Variants in IGSF9B observed in about 807,000 individuals in gnomAD.
IGSF9B encodes the protein protein turtle homolog B.
In IGSF9B, 48 loss-of-function variants were observed where a neutral mutation model predicts 143.7. The ratio of observed to expected loss-of-function variants is 0.33; its 90% CI spans 0.26 to 0.42. IGSF9B has a LOEUF of 0.42. Ranked by LOEUF, IGSF9B falls within the 20% of genes least tolerant of loss-of-function variation. IGSF9B has a pLI of 1.00. For synonymous variants in IGSF9B, 903 were observed against 833.1 expected (o/e 1.08, Z -1.44); for missense variants, 1,706 against 1,980.0 (o/e 0.86, Z 2.63).
chr11:133,927,246 C>T (rs912514463), intron 12 of IGSF9B, among the ~76,000 whole-genome samples, 155 bp from the exon 13 acceptor site: 13 of 152,404 alleles, frequency 8.5e-5, no homozygotes, highest in African/African-American at 3.1e-4. Context: ...AGAGTGGATG[C>T]CCTGCCCAGC....
chr11:133,933,328 T>G (rs1025718833), intron 7 of IGSF9B, among the ~76,000 whole-genome samples: 14 of 152,224 alleles, frequency 9.2e-5, no homozygotes, highest in African/African-American at 3.4e-4. Context: ...TCCCCGCCTC[T>G]ACATCCGAAG....
Position 133,929,682 on chromosome 11 carries a change from T to C in IGSF9B, c.1620A>G (p.Thr540=), listed in dbSNP as rs1158554462. Reference sequence around the variant, plus strand: ...ACAGAGGTCCGTACCAAACTGAGAATGTCTGCTCGTAGCCTCCATCATAGC... The same window carrying C: ...ACAGAGGTCCGTACCAAACTGAGAACGTCTGCTCGTAGCCTCCATCATAGC... The part of the protein sequence containing the change: ...EPGYDGGYEQ[T]FSVWMKRAQF... Residue 540 remains threonine, a synonymous_variant, in exon 12 of 20, where the codon ACA becomes ACG. Coordinates refer to ENST00000533871, the MANE Select transcript of IGSF9B (RefSeq NM_001277285.4). The C allele has an allele frequency of 1.2e-6, 2 of 1,611,214 alleles. No individual in the cohort carries two copies. The highest frequency in any genetic ancestry group is 2.7e-5 in the African/African-American group (2 of 74,858).
Position 133,906,921 on chromosome 11 carries a change from C to A in IGSF9B, c.*2148G>T, listed in dbSNP as rs1591705338. Among the ~76,000 whole-genome samples, 1 of 152,146 alleles carries A rather than the reference C, an allele frequency of 6.6e-6. No individual in the cohort carries two copies. The highest frequency in any genetic ancestry group is 1.9e-4 in the East Asian group (1 of 5,168). On this transcript the variant is annotated 3_prime_UTR_variant, in exon 20 of 20. Transcript: ENST00000533871. The stretch of plus-strand genomic sequence containing the variant: ...CAGGTAAGCCGGCTCCCGTCATCCC[C>A]CAGGAGAGACGCCCAAGTGAGCAGC...
intron 3 of IGSF9B, among the ~76,000 whole-genome samples, chr11:133,940,512 C>G (rs1361515510): frequency 6.9e-6 from 1 of 145,000 alleles, no homozygotes; most frequent in East Asian, 2.1e-4. Context: ...CATCCTCGCA[C>G]GCGTCATCAC....
intron 1 of IGSF9B, among the ~76,000 whole-genome samples, chr11:133,946,645 G>A (rs963965386): frequency 5.3e-5 from 8 of 152,132 alleles, no homozygotes; most frequent in Admixed American, 2.0e-4. Context: ...TGAGGGGCCC[G>A]GCCCCCTCTG....
intron 17 of IGSF9B, 57 bp from the exon 18 acceptor site, chr11:133,921,454 A>G (rs1591712668): frequency 1.5e-6 from 2 of 1,341,248 alleles, no homozygotes; most frequent in South Asian, 3.2e-5. Context: ...GCTGGCCAGG[A>G]CTTCCTTTCC....
At chr11:133,950,895 T>C (rs1397971415) in intron 1 of IGSF9B, among the ~76,000 whole-genome samples, 5 of 151,228 alleles carry the variant, frequency 3.3e-5, no homozygotes, top group African/African-American at 1.2e-4. Flanking sequence ...CCTCCTCCTC[T>C]GGGCACCAGA....
chr11:133,937,547 T>A, intron 4 of IGSF9B, 54 bp from the exon 5 acceptor site: 2 of 1,396,244 alleles, frequency 1.4e-6, no homozygotes. Flanking sequence ...CCACCGCTGC[T>A]ACCCTCAAAC....
rs900396680 is a variant in IGSF9B, at chr11:133,903,768, A to G, written c.*5301T>C. 6.6e-6 allele frequency among the ~76,000 whole-genome samples: 1 copy of G among 152,216 alleles called. No individual in the cohort carries two copies. Among genetic ancestry groups the G allele is most frequent in the African/African-American group, 2.4e-5 (1 of 41,452 alleles). ...TCCTGAAAGAAGGTTTTGAGAGTAC[A>G]GACAGGAACCCAGAAATAAGGCTCT... is the stretch of plus-strand genomic sequence containing the variant. On this transcript the variant is annotated 3_prime_UTR_variant, in exon 20 of 20. Coordinates refer to ENST00000533871, the MANE Select transcript of IGSF9B (RefSeq NM_001277285.4).
At chr11:133,918,512 C>T (rs4937856) in intron 18 of IGSF9B, among the ~76,000 whole-genome samples, 1 of 151,896 alleles carries the variant, frequency 6.6e-6, no homozygotes, top group Non-Finnish European at 1.5e-5. Context: ...AGGGCGGCCG[C>T]GGCACCTCCG....
chr11:133,912,134 G>A (rs1939310812), intron 18 of IGSF9B, 127 bp from the exon 19 acceptor site: 1 of 1,076,842 alleles, frequency 9.3e-7, no homozygotes. Context: ...AGCCCAAGGT[G>A]CCCACGATGG....
At chr11:133,918,590 G>A (rs1019542019) in intron 18 of IGSF9B, among the ~76,000 whole-genome samples, 11 of 152,166 alleles carry the variant, frequency 7.2e-5, no homozygotes, top group Non-Finnish European at 1.0e-4. Context: ...TTCCTCGGCC[G>A]GCCCCGGAGC....
At chr11:133,915,614 T>G (rs1939366479) in intron 18 of IGSF9B, among the ~76,000 whole-genome samples, 1 of 152,152 alleles carries the variant, frequency 6.6e-6, no homozygotes, top group African/African-American at 2.4e-5. Flanking sequence ...AGGTCTTATT[T>G]GCTTAGCTCT....
chr11:133,940,313 C>T (rs1481549914), intron 3 of IGSF9B, among the ~76,000 whole-genome samples: 1 of 140,524 alleles, frequency 7.1e-6, no homozygotes, highest in Non-Finnish European at 1.5e-5. Flanking sequence ...CGCGTCATCG[C>T]ACGCAGAAAC....
At chr11:133,955,216 G>T (rs1309549497) in intron 1 of IGSF9B, among the ~76,000 whole-genome samples, 1 of 152,124 alleles carries the variant, frequency 6.6e-6, no homozygotes, top group Non-Finnish European at 1.5e-5. Flanking sequence ...GTCAAGCGCA[G>T]CCCGATGCAC....
rs149326653 is a variant in IGSF9B, at chr11:133,948,380, C to T, written c.65-2122G>A. The stretch of plus-strand genomic sequence containing the variant: ...GAGCAGAGCAGAGCATTGCACTCAC[C>T]TGCCTGAGGCCCCAGCATGCTTCCC... On this transcript the variant is annotated intron_variant, in intron 1 of 19. Coordinates refer to ENST00000533871, the MANE Select transcript of IGSF9B (RefSeq NM_001277285.4). The surrounding 1 kb of genome is among the most constrained non-coding windows in gnomAD (Gnocchi z 4.7). Among the ~76,000 whole-genome samples, 2 of 152,240 alleles carry T rather than the reference C, an allele frequency of 1.3e-5. No homozygotes were observed. Among genetic ancestry groups the T allele is most frequent in the Non-Finnish European group, 2.9e-5 (2 of 68,024 alleles).
At chr11:133,916,207 G>A (rs1939379141) in intron 18 of IGSF9B, among the ~76,000 whole-genome samples, 1 of 152,156 alleles carries the variant, frequency 6.6e-6, no homozygotes, top group African/African-American at 2.4e-5. Context: ...ACAGTCCACA[G>A]AAAGGACAGG....
rs1158637791 is a variant in IGSF9B, at chr11:133,920,926, C to A, written c.2799G>T (p.Gln933His). 2 of 1,609,728 alleles carry A rather than the reference C, an allele frequency of 1.2e-6. No individual in the cohort carries two copies. Among genetic ancestry groups the A allele is most frequent in the Non-Finnish European group, 1.7e-6 (2 of 1,178,428 alleles). The change falls in exon 18 of 20, where the codon CAG becomes CAT. Residue 933 changes from glutamine to histidine, a missense_variant. By Grantham distance (24) the Gln-to-His change is conservative. Coordinates refer to ENST00000533871, the MANE Select transcript of IGSF9B (RefSeq NM_001277285.4). ...CACCGGGGCCCTCCAGCCCGCGGGG[C>A]TGGAACCGAGGGCTGTATGCTGGTG... is the stretch of plus-strand genomic sequence containing the variant. ...LPPPAYSPRF[Q>H]PRGLEGPGGL... is the part of the protein sequence containing the mutation.
At chr11:133,926,524 T>A (rs573394226) in intron 13 of IGSF9B, among the ~76,000 whole-genome samples, 1 of 152,054 alleles carries the variant, frequency 6.6e-6, no homozygotes, top group African/African-American at 2.4e-5. Context: ...TCCAGGAAGG[T>A]GGCCTGGAAG....
Sources: gnomAD v4.1 joint callset for allele counts (sites outside exome capture counted in the v4.1 genomes callset) on GRCh38, gnomAD v4.1.1 for gene constraint, Gnocchi (gnomAD v3.1) non-coding constraint, MANE v1.5 for transcripts, NCBI Gene and HGNC (gene_info 2026-07-23, HGNC 2026-07-21) for gene names.